MGAT4C: variants seen among roughly 807,000 people sequenced by gnomAD.
MGAT4C encodes the protein alpha-1,3-mannosyl-glycoprotein 4-beta-N-acetylglucosaminyltransferase C.
MGAT4C carries 19 observed loss-of-function variants against 40.1 expected under a neutral mutation model. That is an observed-to-expected ratio of 0.47 (90% CI 0.33 to 0.70). MGAT4C has a LOEUF of 0.70. MGAT4C is among the 30% of genes least tolerant of loss of function. MGAT4C has a pLI of 0.02. For synonymous variants in MGAT4C, 181 were observed against 187.1 expected (o/e 0.97, Z 0.27); for missense variants, 491 against 563.2 (o/e 0.87, Z 1.30).
chr12:86,695,919 G>A (rs759287607), intron 2 of MGAT4C, among the ~76,000 whole-genome samples: 1 of 152,022 alleles, frequency 6.6e-6, no homozygotes, highest in Non-Finnish European at 1.5e-5. Flanking sequence ...TAAAATAGCT[G>A]AAAGAATATA....
intron 2 of MGAT4C, among the ~76,000 whole-genome samples, chr12:86,606,054 G>A (rs1459428738): frequency 2.6e-5 from 4 of 152,118 alleles, no homozygotes; most frequent in Non-Finnish European, 4.4e-5. Context: ...GGAAGGAGAA[G>A]TGCTAAGTGA....
intron 1 of MGAT4C, among the ~76,000 whole-genome samples, chr12:86,140,199 C>T (rs1882637902): frequency 6.6e-6 from 1 of 152,140 alleles, no homozygotes. Context: ...TATTAAATGT[C>T]ATTACAGCAA....
chr12:86,649,127 A>G (rs1963626777), intron 2 of MGAT4C, among the ~76,000 whole-genome samples: 1 of 151,812 alleles, frequency 6.6e-6, no homozygotes, highest in Non-Finnish European at 1.5e-5. Flanking sequence ...TTGCTCTCAT[A>G]TATTAATATT....
At position 86,649,982 on chromosome 12, in the gene MGAT4C, C is replaced by T. The variant is rs531774266; in HGVS notation, c.-229+77227G>A. Among the ~76,000 whole-genome samples the T allele has an allele frequency of 1.8e-3, 270 of 151,970 alleles. 2 individuals carry two copies. The highest frequency in any genetic ancestry group is 6.2e-3 in the African/African-American group (257 of 41,520). On this transcript the variant is annotated intron_variant, in intron 2 of 7. Coordinates refer to the MGAT4C transcript ENST00000548651. Reference sequence around the variant, plus strand: ...GACTTCCCCTCCTGCAATGCACCATCAGTCTGGAAAATTGAAAAAAGTCAA... The same window carrying T: ...GACTTCCCCTCCTGCAATGCACCATTAGTCTGGAAAATTGAAAAAAGTCAA...
intron 2 of MGAT4C, among the ~76,000 whole-genome samples, chr12:86,446,692 T>C (rs1592858703): frequency 7.6e-6 from 1 of 131,176 alleles, no homozygotes; most frequent in Non-Finnish European, 1.6e-5. Flanking sequence ...TATATATATA[T>C]ATATATATAT....
chr12:86,239,246 A>G lies in MGAT4C; in HGVS notation c.-57+16993T>C, dbSNP rs150943714. ...AAAGTCATCACTTTTGGATGTCTCAATGAATCTGGCTTTGATAACATGAAA... is the reference window on the plus strand; with the variant it reads ...AAAGTCATCACTTTTGGATGTCTCAGTGAATCTGGCTTTGATAACATGAAA... On this transcript the variant is annotated intron_variant, in intron 1 of 4. Transcript: ENST00000611864. Among the ~76,000 whole-genome samples, 149 of 152,220 alleles carry G rather than the reference A, an allele frequency of 9.8e-4. 1 individual carries two copies. In the Middle Eastern group the frequency reaches 0.01, roughly 10 times the overall value.
At chr12:86,354,856 T>C (rs7962568) in intron 3 of MGAT4C, among the ~76,000 whole-genome samples, 1 of 152,016 alleles carries the variant, frequency 6.6e-6, no homozygotes, top group Non-Finnish European at 1.5e-5. Flanking sequence ...GTTACAGCTC[T>C]TAAAGATGGC....
At chr12:86,323,522 G>A (rs1473170840) in intron 4 of MGAT4C, among the ~76,000 whole-genome samples, 10 of 151,614 alleles carry the variant, frequency 6.6e-5, no homozygotes, top group Non-Finnish European at 1.5e-5. Flanking sequence ...CACTAAGTAT[G>A]TAAAAAGATA....
intron 2 of MGAT4C, among the ~76,000 whole-genome samples, chr12:86,702,542 G>T (rs925665556): frequency 1.3e-5 from 2 of 152,036 alleles, no homozygotes; most frequent in African/African-American, 4.8e-5. Context: ...AAATCCTATA[G>T]CTCTTAAAAA....
chr12:86,189,316 A>T (rs1889113525), intron 1 of MGAT4C, among the ~76,000 whole-genome samples: 1 of 151,940 alleles, frequency 6.6e-6, no homozygotes, highest in African/African-American at 2.4e-5. Flanking sequence ...TTTTAATGTA[A>T]ATTATTTGTT....
intron 1 of MGAT4C, among the ~76,000 whole-genome samples, chr12:86,817,126 T>C (rs1952622209): frequency 6.6e-6 from 1 of 151,000 alleles, no homozygotes; most frequent in Admixed American, 6.6e-5. Flanking sequence ...AACATTCTTT[T>C]TTCATGATAT....
intron 3 of MGAT4C, among the ~76,000 whole-genome samples, chr12:86,343,234 G>C (rs922442774): frequency 2.6e-5 from 4 of 152,158 alleles, no homozygotes; most frequent in Non-Finnish European, 4.4e-5. Flanking sequence ...CCAATAAAAA[G>C]AGCTGTTCTT....
chr12:86,515,835 C>T (rs538689171), intron 2 of MGAT4C, among the ~76,000 whole-genome samples: 1 of 151,672 alleles, frequency 6.6e-6, no homozygotes, highest in South Asian at 2.1e-4. Flanking sequence ...CTCCGCCTCC[C>T]GGGTTCATAC....
At chr12:86,585,339 A>C (rs1960971175) in intron 2 of MGAT4C, among the ~76,000 whole-genome samples, 2 of 151,536 alleles carry the variant, frequency 1.3e-5, no homozygotes, top group Non-Finnish European at 3.0e-5. Flanking sequence ...GTAACAGTTT[A>C]ATTATTGTTT....
At chr12:86,753,872 G>C (rs1021810821) in intron 1 of MGAT4C, among the ~76,000 whole-genome samples, 7 of 152,016 alleles carry the variant, frequency 4.6e-5, no homozygotes, top group Non-Finnish European at 8.8e-5. Context: ...GTGTTGAAAA[G>C]AATGTGAAGC....
At chr12:86,622,377 A>T (rs576091299) in intron 2 of MGAT4C, among the ~76,000 whole-genome samples, 2 of 152,300 alleles carry the variant, frequency 1.3e-5, no homozygotes, top group East Asian at 3.9e-4. Context: ...ATTTCAGAGT[A>T]ACCCATCTAT....
chr12:86,805,094 CATATTA>C (rs571890124), intron 1 of MGAT4C, among the ~76,000 whole-genome samples: 44 of 152,062 alleles, frequency 2.9e-4, no homozygotes, highest in Non-Finnish European at 5.3e-4. Context: ...TTTGTGTATC[CATATTA>C]ATATTGTTTA....
At chr12:86,332,622 G>C (rs1954695191) in intron 4 of MGAT4C, among the ~76,000 whole-genome samples, 1 of 151,328 alleles carries the variant, frequency 6.6e-6, no homozygotes, top group African/African-American at 2.4e-5. Flanking sequence ...TCGTAATTGG[G>C]AAAAATCTTT....
chr12:86,087,999 T>A, intron 1 of MGAT4C, among the ~76,000 whole-genome samples: 1 of 151,844 alleles, frequency 6.6e-6, no homozygotes, highest in East Asian at 1.9e-4. Context: ...AAGCGTACAG[T>A]AATTAAAACA....
Sources: gnomAD v4.1 joint callset for allele counts (sites outside exome capture counted in the v4.1 genomes callset) on GRCh38, gnomAD v4.1.1 for gene constraint, MANE v1.5 for transcripts, NCBI Gene and HGNC (gene_info 2026-07-23, HGNC 2026-07-21) for gene names.